Variants in TSPEAR observed in about 807,000 individuals in gnomAD.
TSPEAR encodes thrombospondin-type laminin G domain and EAR repeat-containing protein.
In TSPEAR, 69 loss-of-function variants were observed where a neutral mutation model predicts 71.6. That is an observed-to-expected ratio of 0.96 (90% CI 0.79 to 1.18). The LOEUF is 1.18. TSPEAR is among the 50% of genes most tolerant of loss of function. The probability of loss-of-function intolerance (pLI) is 0.00; values close to 1 mark genes in which losing one functional copy is unlikely to be tolerated. For missense variants in TSPEAR, 971 were observed against 894.9 expected (o/e 1.09, Z -1.09); for synonymous variants, 402 against 387.2 (o/e 1.04, Z -0.45).
At chr21:44,580,726 G>A in intron 1 of TSPEAR, 1 of 787,792 alleles carries the variant, frequency 1.3e-6, no homozygotes, top group Non-Finnish European at 2.0e-6. Context: ...CCGACAGGAG[G>A]CTCCACAAGC....
chr21:44,611,402 T>A (rs1555930900), intron 1 of TSPEAR, among the ~76,000 whole-genome samples: 1 of 152,104 alleles, frequency 6.6e-6, no homozygotes, highest in African/African-American at 2.4e-5. Context: ...TTCTTCCTCA[T>A]TTTCTCTTGC....
chr21:44,651,386 T>A (rs1292105788), intron 1 of TSPEAR, among the ~76,000 whole-genome samples: 1 of 152,154 alleles, frequency 6.6e-6, no homozygotes, highest in Non-Finnish European at 1.5e-5. Context: ...CTTAGTAGCT[T>A]CGAACAACAC....
chr21:44,666,252 C>T, intron 1 of TSPEAR: 2 of 664,990 alleles, frequency 3.0e-6, no homozygotes, highest in East Asian at 2.8e-5. Context: ...GGACCCCAGA[C>T]TTCCCTGGGG....
At position 44,697,735 on chromosome 21, in the gene TSPEAR, C is replaced by T. The variant is rs782482456; in HGVS notation, c.82+13698G>A. ...CCTCTCTGTGCTGCCAGCAGTCTAGCTGCCAGCCAGCTTGCTGCACCACCT... is the reference window on the plus strand; with the variant it reads ...CCTCTCTGTGCTGCCAGCAGTCTAGTTGCCAGCCAGCTTGCTGCACCACCT... On this transcript the variant is annotated intron_variant, in intron 1 of 11. Transcript: ENST00000323084. The T allele has an allele frequency of 3.1e-6, 5 of 1,614,172 alleles. No homozygotes were observed. In the South Asian group the frequency reaches 4.4e-5, roughly 14 times the overall value.
chr21:44,585,199 G>C (rs463239), intron 1 of TSPEAR, among the ~76,000 whole-genome samples: 144,058 of 152,260 alleles, frequency 0.95, 68,294 homozygotes, highest in Non-Finnish European at 0.97. Context: ...CAGCCCTCCT[G>C]CTGACACCTG....
intron 1 of TSPEAR, among the ~76,000 whole-genome samples, chr21:44,683,603 A>G (rs901332294): frequency 1.4e-4 from 21 of 152,142 alleles, no homozygotes; most frequent in African/African-American, 5.1e-4. Context: ...TGGGAGGTTG[A>G]GGATGCCATG....
chr21:44,589,655 C>T (rs149654291), intron 1 of TSPEAR, among the ~76,000 whole-genome samples: 2 of 152,198 alleles, frequency 1.3e-5, no homozygotes, highest in Non-Finnish European at 2.9e-5. Flanking sequence ...GGTGAGACCC[C>T]CCCACCAGGA....
At position 44,506,198 on chromosome 21, in the gene TSPEAR, G is replaced by A. The variant is rs587656418; in HGVS notation, c.1755-1317C>T. Among the ~76,000 whole-genome samples, 4 of 152,362 alleles carry A rather than the reference G, an allele frequency of 2.6e-5. No homozygotes were observed. In the South Asian group the frequency reaches 8.3e-4, roughly 32 times the overall value. On this transcript the variant is annotated intron_variant, in intron 10 of 11. Coordinates refer to ENST00000323084, the MANE Select transcript of TSPEAR (RefSeq NM_144991.3). The surrounding 1 kb of genome is among the most constrained non-coding windows in gnomAD (Gnocchi z 4.2). Reference sequence around the variant, plus strand: ...AGGAGTCTCACCTGAATTTACCAAGGATGCATCTGTGCTTGGGGATGGCTC... The same window carrying A: ...AGGAGTCTCACCTGAATTTACCAAGAATGCATCTGTGCTTGGGGATGGCTC...
chr21:44,674,432 T>A (rs587654112), intron 1 of TSPEAR, among the ~76,000 whole-genome samples: 2 of 152,012 alleles, frequency 1.3e-5, no homozygotes, highest in East Asian at 3.9e-4. Flanking sequence ...CAAAAGATCA[T>A]CTGGCTGGGC....
chr21:44,602,931 A>G (rs1391526288), intron 1 of TSPEAR, among the ~76,000 whole-genome samples: 1 of 152,054 alleles, frequency 6.6e-6, no homozygotes, highest in Non-Finnish European at 1.5e-5. Flanking sequence ...GTCCTCCTGG[A>G]GAATCGCCGT....
intron 9 of TSPEAR, among the ~76,000 whole-genome samples, chr21:44,521,485 C>G (rs908313983): frequency 6.6e-6 from 1 of 152,234 alleles, no homozygotes; most frequent in Non-Finnish European, 1.5e-5. Flanking sequence ...AGCTGCCCAG[C>G]TGCCCCAGGG....
At chr21:44,681,795 T>G (rs1262893860) in intron 1 of TSPEAR, 6 of 1,577,952 alleles carry the variant, frequency 3.8e-6, no homozygotes, top group Non-Finnish European at 5.2e-6. Context: ...AGGTGTGGCC[T>G]CATCTGCACT....
intron 2 of TSPEAR, among the ~76,000 whole-genome samples, chr21:44,548,969 G>C (rs1555918105): frequency 6.6e-6 from 1 of 152,244 alleles, no homozygotes; most frequent in Non-Finnish European, 1.5e-5. Flanking sequence ...CTTAGACAAA[G>C]GACTTTTTAG....
chr21:44,705,012 CT>C (rs1488408636), intron 1 of TSPEAR, among the ~76,000 whole-genome samples: 1 of 152,216 alleles, frequency 6.6e-6, no homozygotes, highest in Admixed American at 6.5e-5. Flanking sequence ...AGCTCAGCCC[CT>C]AACCCCCTGT....
At chr21:44,618,087 C>CT (rs1982223275) in intron 1 of TSPEAR, among the ~76,000 whole-genome samples, 1 of 152,208 alleles carries the variant, frequency 6.6e-6, no homozygotes, top group Non-Finnish European at 1.5e-5. Flanking sequence ...TATGGTTGGA[C>CT]TTTTTGTCCC....
chr21:44,509,338 A>AG lies in TSPEAR; in HGVS notation c.1614dup (p.Phe539LeufsTer19). ...CTGTGACTGTTTGCCACAGCGAGGA[A>AG]GATCCTCTCCCCGATCTGGAAGACC... On this transcript the variant is annotated frameshift_variant, in exon 10 of 12. Coordinates refer to ENST00000323084, the MANE Select transcript of TSPEAR (RefSeq NM_144991.3). LOFTEE classifies it high-confidence loss of function. The AG allele has an allele frequency of 2.5e-6, 4 of 1,613,936 alleles. No homozygotes were observed. The highest frequency in any genetic ancestry group is 3.4e-6 in the Non-Finnish European group (4 of 1,179,958).
intron 1 of TSPEAR, among the ~76,000 whole-genome samples, chr21:44,659,073 C>A (rs1319726842): frequency 1.3e-5 from 2 of 152,152 alleles, no homozygotes; most frequent in African/African-American, 4.8e-5. Context: ...GTCCCACATG[C>A]AAAGGGCCTG....
chr21:44,681,588 A>G (rs1986591713), intron 1 of TSPEAR: 1 of 490,404 alleles, frequency 2.0e-6, no homozygotes, highest in South Asian at 4.9e-5. Flanking sequence ...GCATGGGGAA[A>G]GCTGGTTTAT....
Position 44,591,331 on chromosome 21 carries a change from G to A in TSPEAR, c.83-23326C>T, listed in dbSNP as rs1346311269. On this transcript the variant is annotated intron_variant, in intron 1 of 11. Coordinates refer to ENST00000323084, the MANE Select transcript of TSPEAR (RefSeq NM_144991.3). Reference sequence around the variant, plus strand: ...AGCCAGAGAGGGCAGAGCTTGCTGGGGCAGCTGGGAGGTCAGCCCCTGGTG... The same window carrying A: ...AGCCAGAGAGGGCAGAGCTTGCTGGAGCAGCTGGGAGGTCAGCCCCTGGTG... The A allele has an allele frequency of 1.4e-5, 22 of 1,552,538 alleles. No individual in the cohort carries two copies. The Admixed American group carries it at 4.0e-4, about 29-fold the overall frequency.
Sources: gnomAD v4.1 joint callset for allele counts (sites outside exome capture counted in the v4.1 genomes callset) on GRCh38, gnomAD v4.1.1 for gene constraint, Gnocchi (gnomAD v3.1) non-coding constraint, MANE v1.5 for transcripts, NCBI Gene and HGNC (gene_info 2026-07-23, HGNC 2026-07-21) for gene names.